TMC1: variants seen among roughly 807,000 people sequenced by gnomAD.
TMC1 encodes transmembrane channel-like protein 1.
A neutral mutation model predicts 105.8 loss-of-function variants in TMC1; 84 were observed. That is an observed-to-expected ratio of 0.79 (90% CI 0.67 to 0.95). The LOEUF (loss-of-function observed/expected upper bound fraction) is 0.95, where lower values mean the gene tolerates loss of function less well. Among genes scored for constraint, TMC1 ranks in the 40% least tolerant of loss-of-function variants. The pLI is 0.00. For missense variants in TMC1, 817 were observed against 914.1 expected (o/e 0.89, Z 1.37); for synonymous variants, 315 against 311.5 (o/e 1.01, Z -0.12).
intron 4 of TMC1, among the ~76,000 whole-genome samples, chr9:72,646,343 G>T (rs937022237): frequency 3.3e-5 from 5 of 152,086 alleles, no homozygotes; most frequent in Non-Finnish European, 7.4e-5. Context: ...GGATATTGCT[G>T]GATTGTTCTC....
chr9:72,563,473 C>T (rs1289970631), intron 1 of TMC1, among the ~76,000 whole-genome samples: 4 of 152,036 alleles, frequency 2.6e-5, no homozygotes, highest in African/African-American at 9.7e-5. Context: ...ATGCCAGAGG[C>T]ATTTCTAGGA....
At chr9:72,687,952 AT>A (rs1314293116) in intron 5 of TMC1, among the ~76,000 whole-genome samples, 4 of 152,292 alleles carry the variant, frequency 2.6e-5, no homozygotes, top group Admixed American at 1.3e-4. Context: ...AAAGAAAAAA[AT>A]ATGCCAATAA....
intron 1 of TMC1, among the ~76,000 whole-genome samples, chr9:72,533,445 A>AT (rs1412276759): frequency 6.6e-6 from 1 of 152,012 alleles, no homozygotes; most frequent in Non-Finnish European, 1.5e-5. Context: ...TCTCTTCCTG[A>AT]TTTTCCCCTG....
At chr9:72,736,999 G>A (rs866320743) in intron 8 of TMC1, among the ~76,000 whole-genome samples, 1 of 152,118 alleles carries the variant, frequency 6.6e-6, no homozygotes, top group African/African-American at 2.4e-5. Flanking sequence ...AAGACCTAAC[G>A]TTCCCTGTGG....
intron 12 of TMC1, among the ~76,000 whole-genome samples, chr9:72,755,584 G>T (rs1192699876): frequency 6.6e-6 from 1 of 152,036 alleles, no homozygotes; most frequent in East Asian, 1.9e-4. Flanking sequence ...AACCATTTTG[G>T]ACTATATGAT....
At position 72,754,809 on chromosome 9, in the gene TMC1, C is replaced by A; in HGVS notation, c.666C>A (p.Gly222=). Residue 222 remains glycine, a synonymous_variant, in exon 12 of 24, where the codon GGC becomes GGA. Transcript: ENST00000297784. The stretch of plus-strand genomic sequence containing the variant: ...AGTACCTCTGGGGTTTGCCATATGG[C>A]AGTTTACCTAGGAAAACCGTTCCCA... ...LPEYLWGLPY[G]SLPRKTVPRA... 1 of 1,614,028 alleles carries A rather than the reference C, an allele frequency of 6.2e-7. No homozygotes were observed. Among genetic ancestry groups the A allele is most frequent in the Non-Finnish European group, 8.5e-7 (1 of 1,179,886 alleles).
At chr9:72,760,374 A>G (rs1827737515) in intron 12 of TMC1, among the ~76,000 whole-genome samples, 1 of 152,116 alleles carries the variant, frequency 6.6e-6, no homozygotes, top group Non-Finnish European at 1.5e-5. Flanking sequence ...GAAATCATTG[A>G]CAAAATGTTT....
At chr9:72,706,766 TTTTC>T (rs1328849646) in intron 8 of TMC1, among the ~76,000 whole-genome samples, 5 of 151,572 alleles carry the variant, frequency 3.3e-5, no homozygotes, top group Non-Finnish European at 4.4e-5. Context: ...TTCTTTTTCT[TTTTC>T]TTTCTTTCTT....
intron 13 of TMC1, among the ~76,000 whole-genome samples, chr9:72,776,582 C>G (rs1828008643): frequency 6.6e-6 from 1 of 152,100 alleles, no homozygotes. Context: ...TTTTCTAGTT[C>G]AAAAGATATC....
intron 10 of TMC1, among the ~76,000 whole-genome samples, chr9:72,749,174 T>A (rs1162584336): frequency 6.6e-6 from 1 of 152,206 alleles, no homozygotes; most frequent in Non-Finnish European, 1.5e-5. Flanking sequence ...GAAATTCATT[T>A]GTCAGGGATT....
chr9:72,583,209 G>A (rs1027587064), intron 2 of TMC1, among the ~76,000 whole-genome samples: 6 of 151,962 alleles, frequency 3.9e-5, no homozygotes, highest in African/African-American at 1.5e-4. Context: ...GTGACAGAGT[G>A]AGACTTCATC....
chr9:72,781,117 A>C (rs1828088102), intron 13 of TMC1, among the ~76,000 whole-genome samples: 1 of 152,172 alleles, frequency 6.6e-6, no homozygotes, highest in South Asian at 2.1e-4. Context: ...CACCAACAAC[A>C]TTCTTGGATC....
chr9:72,712,527 C>G (rs1007881169), intron 8 of TMC1, among the ~76,000 whole-genome samples: 1 of 152,098 alleles, frequency 6.6e-6, no homozygotes, highest in African/African-American at 2.4e-5. Context: ...CACTTTGTAG[C>G]AATTGTGAAT....
intron 4 of TMC1, among the ~76,000 whole-genome samples, chr9:72,646,465 A>G (rs1825711731): frequency 6.6e-6 from 1 of 152,148 alleles, no homozygotes; most frequent in Non-Finnish European, 1.5e-5. Context: ...AAAATACATG[A>G]CAATTCATAC....
At chr9:72,793,206 C>T (rs187798792) in intron 17 of TMC1, among the ~76,000 whole-genome samples, 1 of 152,116 alleles carries the variant, frequency 6.6e-6, no homozygotes, top group Non-Finnish European at 1.5e-5. Context: ...GTAGCTATAC[C>T]TCTGGCAAAG....
chr9:72,580,587 C>A (rs1024253470), intron 2 of TMC1, among the ~76,000 whole-genome samples: 2 of 151,032 alleles, frequency 1.3e-5, no homozygotes, highest in Non-Finnish European at 2.9e-5. Context: ...TGTGTGCATG[C>A]CAGTGCATAC....
At chr9:72,757,348 T>C (rs780845064) in intron 12 of TMC1, among the ~76,000 whole-genome samples, 9 of 152,198 alleles carry the variant, frequency 5.9e-5, no homozygotes, top group Non-Finnish European at 1.2e-4. Flanking sequence ...TCGAGTGTTC[T>C]TATATGTGAA....
intron 8 of TMC1, among the ~76,000 whole-genome samples, chr9:72,730,281 A>C (rs1588053823): frequency 6.6e-6 from 1 of 151,810 alleles, no homozygotes; most frequent in Non-Finnish European, 1.5e-5. Context: ...TGCCCTGGGG[A>C]AGGGGAATTC....
chr9:72,581,851 G>T (rs1266629953), intron 2 of TMC1, among the ~76,000 whole-genome samples: 1 of 152,100 alleles, frequency 6.6e-6, no homozygotes, highest in Non-Finnish European at 1.5e-5. Context: ...AATTTTTTTT[G>T]TGTGTTAGGT....
Sources: allele counts gnomAD v4.1 joint callset (sites outside exome capture counted in the v4.1 genomes callset), GRCh38; gene constraint gnomAD v4.1.1; transcripts MANE v1.5; gene names NCBI Gene and HGNC (gene_info 2026-07-23, HGNC 2026-07-21).